MPV17L: variants seen among roughly 807,000 people sequenced by gnomAD.
MPV17L encodes mpv17-like protein.
Under a neutral mutation model 25.8 loss-of-function variants are expected in MPV17L, and 24 were observed. The ratio of observed to expected loss-of-function variants is 0.93; its 90% CI spans 0.67 to 1.31. The LOEUF is 1.31. MPV17L is among the 50% of genes most tolerant of loss of function. The probability of loss-of-function intolerance (pLI) is 0.00; values close to 1 mark genes in which losing one functional copy is unlikely to be tolerated. For missense variants in MPV17L, 250 were observed against 265.6 expected, an observed-to-expected ratio of 0.94 and a Z score of 0.41; for synonymous variants, 102 against 115.3, an observed-to-expected ratio of 0.88 and a Z score of 0.74.
intron 1 of MPV17L, among the ~76,000 whole-genome samples, chr16:15,398,322 C>G (rs1220013988): frequency 6.6e-6 from 1 of 151,898 alleles, no homozygotes; most frequent in East Asian, 2.0e-4. Context: ...GGATTACAGG[C>G]GTGAGCCCTC....
In MPV17L at chr16:15,401,086, A is replaced by ATAT. The variant is rs1491107374; in HGVS notation, c.381+230_381+231insATT. Among the ~76,000 whole-genome samples the ATAT allele has an allele frequency of 2.6e-3, 52 of 19,860 alleles. 1 individual carries two copies. The highest frequency in any genetic ancestry group is 9.3e-3 in the Admixed American group (7 of 750). The allele number at this position is 19,860 out of a possible 152,430, so 13.0% of individuals were successfully genotyped here. On this transcript the variant is annotated intron_variant, in intron 2 of 3. Coordinates refer to ENST00000396385, the MANE Select transcript of MPV17L (RefSeq NM_001128423.2). ...TATATATATATATATATATATATAT[A>ATAT]TTTTTTTTTTTTTTTTTTTTTTTTT...
chr16:15,396,191 C>A lies in MPV17L; in HGVS notation c.294C>A (p.Val98=). 6.5e-7 allele frequency: 1 copy of A among 1,549,974 alleles called. No individual in the cohort carries two copies. The highest frequency in any genetic ancestry group is 1.2e-5 in the South Asian group (1 of 84,082). Residue 98 remains valine, a synonymous_variant, in exon 1 of 4, where the codon GTC becomes GTA. Transcript: ENST00000396385. ...AGGTGGTCGGTGCGCCCATCGCGGT[C>A]TCGGCCTTCTATGTCGGTGAGGGGC... ...CDQVVGAPIA[V]SAFYVGMSIL...
rs558939111 is a variant in MPV17L at position 15,400,908 on chromosome 16, A to G, written c.381+51A>G. 8.2e-5 allele frequency: 92 copies of G among 1,126,428 alleles called. No homozygotes were observed. In the East Asian group the frequency reaches 1.6e-3, roughly 20 times the overall value. The allele number at this position is 1,126,428 out of a possible 1,614,324, so 69.8% of individuals were successfully genotyped here. A position where few individuals can be genotyped will look rare whatever the true frequency, so the allele number is the denominator to read the frequency against. On this transcript the variant is annotated intron_variant, in intron 2 of 3. Coordinates refer to ENST00000396385, the MANE Select transcript of MPV17L (RefSeq NM_001128423.2). ...TCACTATATTTTTGTGTATATATGT[A>G]TATATATGTGTATAAAAATATATGT... is the stretch of plus-strand genomic sequence containing the variant.
Position 15,395,994 on chromosome 16 carries a change from G to T in MPV17L, c.97G>T (p.Ala33Ser). Residue 33 changes from alanine (A) to serine (S), a missense_variant, in exon 1 of 4, where the codon GCG becomes TCG. Coordinates refer to ENST00000396385, the MANE Select transcript of MPV17L (RefSeq NM_001128423.2). ...LYGSLVSAGD[A>S]LQQRLQGREA... ...CGGCTCGCTCGTCTCGGCCGGGGAC[G>T]CGCTGCAACAGCGGCTGCAGGGCCG... 6.6e-7 allele frequency: 1 copy of T among 1,514,482 alleles called. No homozygotes were observed. The allele number at this position is 1,514,482 out of a possible 1,614,324, so 93.8% of individuals were successfully genotyped here.
intron 2 of MPV17L, among the ~76,000 whole-genome samples, chr16:15,401,111 T>TTTTTTA (rs1390823386): frequency 4.8e-5 from 6 of 125,102 alleles, no homozygotes; most frequent in Non-Finnish European, 8.2e-5. Flanking sequence ...TTTTTTTTTT[T>TTTTTTA]AATTAAAAAA....
chr16:15,407,883 T>C (rs1350948152), intron 3 of MPV17L, 30 bp downstream of exon 3: 2 of 1,613,374 alleles, frequency 1.2e-6, no homozygotes, highest in Admixed American at 3.3e-5. Flanking sequence ...TAATATGAAC[T>C]CAGGGCTTTG....
chr16:15,396,861 T>C (rs1018525672), intron 1 of MPV17L, among the ~76,000 whole-genome samples: 2 of 152,090 alleles, frequency 1.3e-5, no homozygotes, highest in Non-Finnish European at 2.9e-5. Context: ...GGACCTTGGA[T>C]CCTTGCCATG....
intron 1 of MPV17L, chr16:15,399,498 T>C: frequency 2.3e-6 from 1 of 434,686 alleles, no homozygotes; most frequent in Non-Finnish European, 4.6e-6. Context: ...CTCGACCTCC[T>C]GGGCTCAAGC....
chr16:15,402,246 ACAGTGTC>A (rs1465691274), intron 2 of MPV17L, among the ~76,000 whole-genome samples: 5 of 152,314 alleles, frequency 3.3e-5, no homozygotes, highest in African/African-American at 1.2e-4. Flanking sequence ...TATTTATTGA[ACAGTGTC>A]CTTAAGGCCT....
At chr16:15,401,952 GACA>G (rs1368436592) in intron 2 of MPV17L, among the ~76,000 whole-genome samples, 3 of 152,142 alleles carry the variant, frequency 2.0e-5, no homozygotes, top group Non-Finnish European at 4.4e-5. Flanking sequence ...CAGCCAAAGG[GACA>G]ACAATTTATT....
chr16:15,405,913 G>A (rs1367369178), intron 2 of MPV17L, among the ~76,000 whole-genome samples: 1 of 151,818 alleles, frequency 6.6e-6, no homozygotes, highest in Non-Finnish European at 1.5e-5. Flanking sequence ...TTATGGCCGG[G>A]CATGGTGGCT....
chr16:15,411,740 G>T lies in MPV17L; in HGVS notation c.*3628G>T, dbSNP rs2050735387. The T allele has an allele frequency of 6.6e-6, 1 of 152,020 alleles. No homozygotes were observed. The highest frequency in any genetic ancestry group is 1.5e-5 in the Non-Finnish European group (1 of 68,032). The allele number at this position is 152,020 out of a possible 1,614,324, so 9.4% of individuals were successfully genotyped here. A position where few individuals can be genotyped will look rare whatever the true frequency, so the allele number is the denominator to read the frequency against. On this transcript the variant is annotated 3_prime_UTR_variant, in exon 4 of 4. Coordinates refer to ENST00000396385, the MANE Select transcript of MPV17L (RefSeq NM_001128423.2). The stretch of plus-strand genomic sequence containing the variant: ...AGGCCAAGGCAGGTGGATCGGTTGA[G>T]GTCAGGAGTTCAAGACCAGCATGGC...
chr16:15,407,756 A>T lies in MPV17L; in HGVS notation c.382-68A>T, dbSNP rs2050694251. 3.4e-6 allele frequency: 5 copies of T among 1,463,274 alleles called. No homozygotes were observed. In the East Asian group the frequency reaches 7.3e-5, roughly 21 times the overall value. The allele number at this position is 1,463,274 out of a possible 1,614,324, so 90.6% of individuals were successfully genotyped here. A position where few individuals can be genotyped will look rare whatever the true frequency, so the allele number is the denominator to read the frequency against. On this transcript the variant is annotated intron_variant, in intron 2 of 3. Coordinates refer to ENST00000396385, the MANE Select transcript of MPV17L (RefSeq NM_001128423.2). ...GACCCTGTCTCAAAAAATAAAAAAC[A>T]AAATAAATAAATAAAAAATAAAAGG...
At chr16:15,400,742 T>TA (rs768961344) in intron 1 of MPV17L, 45 bp from the exon 2 acceptor site, 24 of 1,354,868 alleles carry the variant, frequency 1.8e-5, no homozygotes, top group African/African-American at 2.9e-5. Flanking sequence ...TGTTATACGG[T>TA]ACTCTACTGA....
At chr16:15,396,333 G>A in intron 1 of MPV17L, 126 bp downstream of exon 1, 2 of 1,254,598 alleles carry the variant, frequency 1.6e-6, no homozygotes, top group Non-Finnish European at 2.2e-6. Context: ...AGGAGCCGGG[G>A]CTCTGAGACC....
intron 2 of MPV17L, among the ~76,000 whole-genome samples, chr16:15,404,213 A>G (rs2050662771): frequency 6.6e-6 from 1 of 152,190 alleles, no homozygotes; most frequent in Non-Finnish European, 1.5e-5. Flanking sequence ...GTAAAGCACC[A>G]TGGTATGCCT....
At chr16:15,397,035 C>T (rs562505258) in intron 1 of MPV17L, among the ~76,000 whole-genome samples, 2 of 152,162 alleles carry the variant, frequency 1.3e-5, no homozygotes, top group African/African-American at 4.8e-5. Flanking sequence ...ATTCCCTTAA[C>T]GAGTCACAAA....
Position 15,411,002 on chromosome 16 carries a change from G to A in MPV17L, c.*2890G>A, listed in dbSNP as rs1249413949. On this transcript the variant is annotated 3_prime_UTR_variant, in exon 4 of 4. Transcript: ENST00000396385. ...AATCCCAGCACTTTGGGAGGCCGAG[G>A]CGGGCAGATCACGAGGTCAGGAGAT... 1 of 152,226 alleles carries A rather than the reference G, an allele frequency of 6.6e-6. No individual in the cohort carries two copies. The highest frequency in any genetic ancestry group is 1.5e-5 in the Non-Finnish European group (1 of 68,056). The allele number at this position is 152,226 out of a possible 1,614,324, so 9.4% of individuals were successfully genotyped here.
At chr16:15,400,744 C>T (rs1457184491) in intron 1 of MPV17L, 43 bp from the exon 2 acceptor site, 2 of 1,391,134 alleles carry the variant, frequency 1.4e-6, no homozygotes. Context: ...TTATACGGTA[C>T]TCTACTGAAT....
Sources: gnomAD v4.1 joint callset for allele counts (sites outside exome capture counted in the v4.1 genomes callset) on GRCh38, gnomAD v4.1.1 for gene constraint, MANE v1.5 for transcripts, NCBI Gene and HGNC (gene_info 2026-07-23, HGNC 2026-07-21) for gene names.